Variants in KCNIP4 observed in about 807,000 individuals in gnomAD.
KCNIP4 encodes Kv channel-interacting protein 4.
In KCNIP4, 12 loss-of-function variants were observed where a neutral mutation model predicts 34.0. That is an observed-to-expected ratio of 0.35 (90% CI 0.23 to 0.57). KCNIP4 has a LOEUF of 0.57. KCNIP4 is among the 20% of genes least tolerant of loss of function. The pLI is 0.83. For missense variants in KCNIP4, 238 were observed against 311.7 expected (o/e 0.76, Z 1.78); for synonymous variants, 124 against 102.2 (o/e 1.21, Z -1.29).
chr4:21,864,713 G>T (rs1725311415), intron 1 of KCNIP4, among the ~76,000 whole-genome samples: 1 of 152,174 alleles, frequency 6.6e-6, no homozygotes, highest in African/African-American at 2.4e-5. Context: ...GCCAGGGCTA[G>T]AATTTAGATT....
chr4:21,066,852 T>G (rs887888662), intron 1 of KCNIP4, among the ~76,000 whole-genome samples: 1 of 152,156 alleles, frequency 6.6e-6, no homozygotes, highest in Non-Finnish European at 1.5e-5. Flanking sequence ...GTCCTGGTCC[T>G]GTGCTGTGCT....
intron 1 of KCNIP4, among the ~76,000 whole-genome samples, chr4:21,568,386 G>A (rs1483071351): frequency 6.6e-6 from 1 of 152,128 alleles, no homozygotes; most frequent in Non-Finnish European, 1.5e-5. Context: ...TGAACCTGAT[G>A]GTTGATATTG....
chr4:20,973,971 T>A (rs1399673923), intron 1 of KCNIP4, among the ~76,000 whole-genome samples: 1 of 152,122 alleles, frequency 6.6e-6, no homozygotes, highest in Non-Finnish European at 1.5e-5. Context: ...ATATATATAA[T>A]AATAACGAAA....
chr4:21,381,599 T>A (rs995132961), intron 1 of KCNIP4, among the ~76,000 whole-genome samples: 1 of 152,202 alleles, frequency 6.6e-6, no homozygotes, highest in African/African-American at 2.4e-5. Flanking sequence ...TTCCTGCAGA[T>A]GAGTTAAAGT....
At chr4:20,840,099 G>A (rs191829726) in intron 3 of KCNIP4, among the ~76,000 whole-genome samples, 1 of 152,254 alleles carries the variant, frequency 6.6e-6, no homozygotes, top group Admixed American at 6.5e-5. Context: ...AGTACTGAAC[G>A]TCTAATGGCT....
intron 1 of KCNIP4, among the ~76,000 whole-genome samples, chr4:21,901,778 G>T (rs1309317847): frequency 6.6e-6 from 1 of 151,752 alleles, no homozygotes; most frequent in South Asian, 2.1e-4. Context: ...TTCATACAAG[G>T]GGTCATTTGA....
intron 1 of KCNIP4, chr4:21,845,331 T>C (rs1445941396): frequency 6.6e-6 from 1 of 152,150 alleles, no homozygotes; most frequent in African/African-American, 2.4e-5. Flanking sequence ...ATAAAACTTA[T>C]GTATGGACAT....
At chr4:21,385,867 A>G (rs1721981997) in intron 1 of KCNIP4, among the ~76,000 whole-genome samples, 1 of 152,148 alleles carries the variant, frequency 6.6e-6, no homozygotes, top group Non-Finnish European at 1.5e-5. Context: ...AAGTGCCACT[A>G]AATTATGGAA....
At chr4:21,368,866 C>T (rs1720059161) in intron 1 of KCNIP4, among the ~76,000 whole-genome samples, 1 of 147,412 alleles carries the variant, frequency 6.8e-6, no homozygotes, top group Non-Finnish European at 1.5e-5. Context: ...CTGGATTATA[C>T]AGGTGAAAGA....
Position 21,176,413 on chromosome 4 carries a change from G to A in KCNIP4, c.62-293704C>T, listed in dbSNP as rs1295872546. 5.3e-5 allele frequency among the ~76,000 whole-genome samples: 8 copies of A among 152,150 alleles called. No homozygotes were observed. The East Asian group carries it at 1.5e-3, about 29-fold the overall frequency. ...CTTAATAAATAAATAAAATAAATTG[G>A]GGCCATATGTTGACCTCATCAAGAA... On this transcript the variant is annotated intron_variant, in intron 1 of 8. Transcript: ENST00000382152.
At chr4:21,511,529 A>C (rs948195764) in intron 1 of KCNIP4, among the ~76,000 whole-genome samples, 2 of 152,172 alleles carry the variant, frequency 1.3e-5, no homozygotes, top group African/African-American at 4.8e-5. Context: ...ATCTTTCTAT[A>C]TAAAACTTTG....
At chr4:21,502,985 T>C (rs1319431681) in intron 1 of KCNIP4, among the ~76,000 whole-genome samples, 1 of 152,200 alleles carries the variant, frequency 6.6e-6, no homozygotes, top group Non-Finnish European at 1.5e-5. Context: ...CCTTTACATC[T>C]AACAGTTGTC....
intron 1 of KCNIP4, among the ~76,000 whole-genome samples, chr4:21,585,676 G>A (rs1741559151): frequency 6.6e-6 from 1 of 151,944 alleles, no homozygotes; most frequent in Non-Finnish European, 1.5e-5. Context: ...AAACAATTAT[G>A]CTTGAATATG....
intron 1 of KCNIP4, among the ~76,000 whole-genome samples, chr4:21,943,848 G>A (rs1408742281): frequency 6.6e-6 from 1 of 152,002 alleles, no homozygotes; most frequent in Non-Finnish European, 1.5e-5. Context: ...AATCTTGGTG[G>A]TAGAAATGGA....
intron 1 of KCNIP4, among the ~76,000 whole-genome samples, chr4:20,943,942 G>A (rs1731917047): frequency 6.6e-6 from 1 of 152,204 alleles, no homozygotes; most frequent in African/African-American, 2.4e-5. Context: ...AGAGAAGAAT[G>A]GAAAGGTTGA....
intron 1 of KCNIP4, among the ~76,000 whole-genome samples, chr4:21,250,141 A>G (rs1760590974): frequency 1.3e-5 from 2 of 151,070 alleles, no homozygotes; most frequent in Admixed American, 6.6e-5. Flanking sequence ...TCCCCCAGGA[A>G]AAAGTTCTCT....
intron 1 of KCNIP4, among the ~76,000 whole-genome samples, chr4:21,257,481 C>T (rs540749027): frequency 3.5e-4 from 54 of 152,150 alleles, no homozygotes; most frequent in African/African-American, 1.2e-3. Context: ...GGCGTGGTGG[C>T]TCACACCTGT....
intron 1 of KCNIP4, chr4:21,849,098 G>A (rs924667470): frequency 6.6e-6 from 1 of 151,998 alleles, no homozygotes; most frequent in Non-Finnish European, 1.5e-5. Flanking sequence ...GAATCACTCC[G>A]TCTACCTGCC....
intron 1 of KCNIP4, among the ~76,000 whole-genome samples, chr4:21,914,265 G>C (rs1024533169): frequency 5.3e-5 from 8 of 152,150 alleles, no homozygotes; most frequent in Non-Finnish European, 1.2e-4. Context: ...GGGAAAGAGG[G>C]AGATCTGAGA....
Sources: allele counts gnomAD v4.1 joint callset (sites outside exome capture counted in the v4.1 genomes callset), GRCh38; gene constraint gnomAD v4.1.1; transcripts MANE v1.5; gene names NCBI Gene and HGNC (gene_info 2026-07-23, HGNC 2026-07-21).